Variants in SPECC1L observed in about 807,000 individuals in gnomAD.
SPECC1L encodes the protein cytospin-A.
In SPECC1L, 40 loss-of-function variants were observed where a neutral mutation model predicts 116.8. The observed-to-expected ratio is 0.34, with a 90% CI of 0.27 to 0.45. The LOEUF is 0.45. Among genes scored for constraint, SPECC1L ranks in the 20% least tolerant of loss-of-function variants. The probability of loss-of-function intolerance (pLI) is 1.00; values close to 1 mark genes in which losing one functional copy is unlikely to be tolerated. For missense variants in SPECC1L, 1,110 were observed against 1,373.6 expected, an observed-to-expected ratio of 0.81 and a Z score of 3.03; for synonymous variants, 504 against 500.6, an observed-to-expected ratio of 1.01 and a Z score of -0.09.
intron 10 of SPECC1L, among the ~76,000 whole-genome samples, chr22:24,346,098 T>A (rs996041805): frequency 2.6e-5 from 4 of 151,478 alleles, no homozygotes; most frequent in Non-Finnish European, 4.4e-5. Flanking sequence ...CCTCCGCCTC[T>A]CGGCTTCAAG....
At chr22:24,384,131 G>A (rs1258288937) in intron 14 of SPECC1L, among the ~76,000 whole-genome samples, 1 of 151,490 alleles carries the variant, frequency 6.6e-6, no homozygotes, top group East Asian at 1.9e-4. Context: ...ATGGAGACAA[G>A]GGACATAATA....
intron 4 of SPECC1L, among the ~76,000 whole-genome samples, chr22:24,320,678 A>G (rs1245899414): frequency 6.6e-6 from 1 of 152,216 alleles, no homozygotes; most frequent in African/African-American, 2.4e-5. Flanking sequence ...GTATTTGTAT[A>G]ACCAAGTGCT....
intron 4 of SPECC1L, among the ~76,000 whole-genome samples, chr22:24,318,359 A>G (rs934077323): frequency 6.6e-6 from 1 of 152,154 alleles, no homozygotes; most frequent in Admixed American, 6.5e-5. Context: ...TCTCCACCCA[A>G]AAAATACGAA....
At chr22:24,353,242 C>T (rs1461251982) in intron 11 of SPECC1L, among the ~76,000 whole-genome samples, 1 of 152,080 alleles carries the variant, frequency 6.6e-6, no homozygotes, top group Non-Finnish European at 1.5e-5. Context: ...CAAATTGAGG[C>T]TCCTACTTTC....
intron 4 of SPECC1L, among the ~76,000 whole-genome samples, chr22:24,314,855 C>A (rs1569416618): frequency 6.6e-6 from 1 of 152,228 alleles, no homozygotes. Context: ...GATTGTCCCT[C>A]TTTAAATGAT....
intron 12 of SPECC1L, among the ~76,000 whole-genome samples, chr22:24,364,157 C>T (rs902402202): frequency 2.0e-5 from 3 of 152,088 alleles, no homozygotes; most frequent in Non-Finnish European, 4.4e-5. Context: ...TCAGTGCTGC[C>T]TTTAGAAAGC....
Position 24,411,652 on chromosome 22 carries a change from A to G in SPECC1L, c.3152A>G (p.His1051Arg), listed in dbSNP as rs1424135049. The change falls in exon 15 of 17, where the codon CAT becomes CGT. Residue 1051 changes from histidine to arginine, a missense_variant. By Grantham distance (29) the His-to-Arg change is conservative. This residue lies in a region of SPECC1L where 76 missense variants were observed against 148.5 expected (regional missense o/e 0.51). Coordinates refer to ENST00000314328, the MANE Select transcript of SPECC1L (RefSeq NM_015330.6). ...NDGLAFCALL[H>R]TYLPAHIPYQ... ...GGGCTGGCCTTCTGTGCCCTCCTGC[A>G]TACATATCTCCCTGCCCACATTCCA... 5 of 1,614,100 alleles carry G rather than the reference A, an allele frequency of 3.1e-6. No individual in the cohort carries two copies. The highest frequency in any genetic ancestry group is 1.7e-4 in the Middle Eastern group (1 of 5,968).
chr22:24,286,796 C>T (rs1256128684), intron 2 of SPECC1L, among the ~76,000 whole-genome samples: 1 of 152,006 alleles, frequency 6.6e-6, no homozygotes, highest in East Asian at 1.9e-4. Flanking sequence ...GTCTGTTTTT[C>T]AAGTAAGAGG....
chr22:24,328,990 A>G, intron 7 of SPECC1L, 71 bp downstream of exon 7: 5 of 1,155,052 alleles, frequency 4.3e-6, no homozygotes, highest in East Asian at 4.8e-5. Flanking sequence ...GTCATTGACC[A>G]TGTTATCATT....
intron 11 of SPECC1L, among the ~76,000 whole-genome samples, chr22:24,349,299 C>A (rs1007919022): frequency 6.6e-6 from 1 of 152,188 alleles, no homozygotes; most frequent in African/African-American, 2.4e-5. Context: ...GCCTTGGCCT[C>A]CCAAAGTGCT....
At chr22:24,318,694 C>A (rs1406359313) in intron 4 of SPECC1L, among the ~76,000 whole-genome samples, 2 of 152,116 alleles carry the variant, frequency 1.3e-5, no homozygotes, top group African/African-American at 2.4e-5. Context: ...CCAAGGTGGG[C>A]AGATCACTTG....
intron 2 of SPECC1L, among the ~76,000 whole-genome samples, chr22:24,278,239 T>C (rs911862095): frequency 6.6e-6 from 1 of 152,158 alleles, no homozygotes; most frequent in Non-Finnish European, 1.5e-5. Context: ...CACACACCTG[T>C]AGTCCCAGCT....
At chr22:24,346,026 A>C (rs1265249411) in intron 10 of SPECC1L, among the ~76,000 whole-genome samples, 3 of 144,204 alleles carry the variant, frequency 2.1e-5, no homozygotes, top group South Asian at 2.2e-4. Context: ...TTTTTTTTTG[A>C]GATGGAGTCT....
At chr22:24,292,369 C>T (rs1328440533) in intron 2 of SPECC1L, among the ~76,000 whole-genome samples, 2 of 152,132 alleles carry the variant, frequency 1.3e-5, no homozygotes, top group African/African-American at 4.8e-5. Context: ...ACTGTTACAC[C>T]ATTTTTCCTT....
chr22:24,272,375 A>G (rs1017653077), intron 1 of SPECC1L, among the ~76,000 whole-genome samples: 4 of 151,218 alleles, frequency 2.6e-5, no homozygotes, highest in African/African-American at 9.7e-5. Context: ...AAAAAAACAA[A>G]AACCAGATAT....
chr22:24,328,094 T>C (rs973876453), intron 6 of SPECC1L, among the ~76,000 whole-genome samples: 5 of 152,192 alleles, frequency 3.3e-5, no homozygotes, highest in African/African-American at 1.2e-4. Context: ...ATTTATCTCT[T>C]ATGCATGGAT....
intron 14 of SPECC1L, among the ~76,000 whole-genome samples, chr22:24,392,602 T>G (rs1039084985): frequency 6.6e-6 from 1 of 152,200 alleles, no homozygotes; most frequent in African/African-American, 2.4e-5. Flanking sequence ...GATAAATGAT[T>G]ATGGGAAGGG....
At chr22:24,399,863 G>C (rs2042438953) in intron 14 of SPECC1L, among the ~76,000 whole-genome samples, 1 of 152,144 alleles carries the variant, frequency 6.6e-6, no homozygotes, top group African/African-American at 2.4e-5. Context: ...ACCCTTAGCT[G>C]CCTGTTTATT....
chr22:24,291,199 A>G (rs2049149311), intron 2 of SPECC1L, among the ~76,000 whole-genome samples: 1 of 152,222 alleles, frequency 6.6e-6, no homozygotes, highest in African/African-American at 2.4e-5. Flanking sequence ...ATAAAAAGTC[A>G]TAATTAATAA....
Sources: allele counts gnomAD v4.1 joint callset (sites outside exome capture counted in the v4.1 genomes callset), GRCh38; gene constraint gnomAD v4.1.1; regional missense constraint gnomAD v4.1.1; transcripts MANE v1.5; gene names NCBI Gene and HGNC (gene_info 2026-07-23, HGNC 2026-07-21).